Variants in ECHDC1 observed in about 807,000 individuals in gnomAD.
The protein encoded by ECHDC1 is ethylmalonyl-CoA decarboxylase.
In ECHDC1, 29 loss-of-function variants were observed where a neutral mutation model predicts 29.7. The observed-to-expected ratio is 0.98, with a 90% CI of 0.73 to 1.33. The LOEUF (loss-of-function observed/expected upper bound fraction) is 1.33, where lower values mean the gene tolerates loss of function less well. Ranked by LOEUF, ECHDC1 falls within the 40% of genes most tolerant of loss-of-function variation. ECHDC1 has a pLI of 0.00. For missense variants in ECHDC1, 328 were observed against 350.0 expected (o/e 0.94, Z 0.50); for synonymous variants, 126 against 123.1 (o/e 1.02, Z -0.15).
chr6:127,325,917 A>G (rs1381803020), intron 3 of ECHDC1, among the ~76,000 whole-genome samples: 1 of 152,034 alleles, frequency 6.6e-6, no homozygotes, highest in Non-Finnish European at 1.5e-5. Flanking sequence ...TGTCCAGGCT[A>G]GTGTTGAACT....
chr6:127,331,509 C>T (rs1246374084), intron 1 of ECHDC1, among the ~76,000 whole-genome samples: 1 of 152,016 alleles, frequency 6.6e-6, no homozygotes, highest in Non-Finnish European at 1.5e-5. Context: ...TTCATTTTTC[C>T]CTCCTTCTCA....
chr6:127,331,126 T>C, intron 1 of ECHDC1, 96 bp from the exon 2 acceptor site: 1 of 898,242 alleles, frequency 1.1e-6, no homozygotes, highest in South Asian at 1.7e-5. Flanking sequence ...GACCCTTCTG[T>C]TGAGTTGGGA....
intron 5 of ECHDC1, among the ~76,000 whole-genome samples, chr6:127,302,665 G>A (rs1263500243): frequency 6.6e-6 from 1 of 152,102 alleles, no homozygotes; most frequent in Non-Finnish European, 1.5e-5. Flanking sequence ...CTCCCAAAGT[G>A]CTGGAATTAC....
In ECHDC1 at chr6:127,343,569, C is replaced by T. The variant is rs1286708615; in HGVS notation, c.-236G>A. 1 of 152,220 alleles carries T rather than the reference C, an allele frequency of 6.6e-6. No homozygotes were observed. Among genetic ancestry groups the T allele is most frequent in the Non-Finnish European group, 1.5e-5 (1 of 68,096 alleles). The allele number at this position is 152,220 out of a possible 1,614,324, so 9.4% of individuals were successfully genotyped here. A position where few individuals can be genotyped will look rare whatever the true frequency, so the allele number is the denominator to read the frequency against. On this transcript the variant is annotated 5_prime_UTR_variant, in exon 1 of 6. Transcript: ENST00000454859. ...TCCCGTGACCCCGGAAATCCCGCTC[C>T]TGCCGCGAGGCGCCCTCCGCTTCGC...
At chr6:127,309,846 G>C (rs1179880463) in intron 5 of ECHDC1, among the ~76,000 whole-genome samples, 3 of 152,206 alleles carry the variant, frequency 2.0e-5, no homozygotes, top group Admixed American at 2.0e-4. Context: ...AGGAGAGAAA[G>C]AGCGAAAGGA....
chr6:127,314,817 T>C lies in ECHDC1; in HGVS notation c.496A>G (p.Arg166Gly). ...GAEFTTACDF[R>G]LMTPESKIRF... is the part of the protein sequence containing the mutation. The stretch of plus-strand genomic sequence containing the variant: ...AAATTAATGAAATTTTCATCCTACC[T>C]GAAATCACATGCTGTAGTAAATTCT... The change falls in exon 5 of 6, where the codon AGG becomes GGG. Residue 166 changes from arginine to glycine, a missense_variant and splice_region_variant. Coordinates refer to ENST00000454859, the MANE Select transcript of ECHDC1 (RefSeq NM_001002030.2). 6.2e-7 allele frequency: 1 copy of C among 1,601,708 alleles called. No homozygotes were observed. Among genetic ancestry groups the C allele is most frequent in the Non-Finnish European group, 8.5e-7 (1 of 1,175,414 alleles).
intron 5 of ECHDC1, among the ~76,000 whole-genome samples, chr6:127,306,585 C>T (rs1163643988): frequency 2.6e-5 from 4 of 152,284 alleles, no homozygotes; most frequent in East Asian, 3.9e-4. Context: ...CCATGTAGGA[C>T]GTGCCTGCTT....
intron 4 of ECHDC1, 63 bp from the exon 5 acceptor site, chr6:127,314,959 A>G (rs747498203): frequency 8.7e-6 from 13 of 1,491,510 alleles, no homozygotes; most frequent in African/African-American, 1.4e-5. Context: ...TACAAATGTT[A>G]TTTTTTAAAA....
At chr6:127,312,058 TAA>T (rs35311556) in intron 5 of ECHDC1, among the ~76,000 whole-genome samples, 3 of 151,094 alleles carry the variant, frequency 2.0e-5, no homozygotes, top group Admixed American at 6.6e-5. Flanking sequence ...ATACTACTGA[TAA>T]AAAAAAAACT....
chr6:127,291,130 C>A (rs1780135976), intron 5 of ECHDC1, among the ~76,000 whole-genome samples: 1 of 151,806 alleles, frequency 6.6e-6, no homozygotes, highest in African/African-American at 2.4e-5. Context: ...ACTTAACAGG[C>A]CTTAGTAAGG....
chr6:127,321,744 T>C (rs928466343), intron 3 of ECHDC1, among the ~76,000 whole-genome samples: 1 of 152,230 alleles, frequency 6.6e-6, no homozygotes, highest in Non-Finnish European at 1.5e-5. Context: ...GGCTCACGCC[T>C]GTAATCCTAG....
intron 3 of ECHDC1, among the ~76,000 whole-genome samples, chr6:127,319,627 TAAGAGATATCTG>T (rs1782675484): frequency 6.6e-6 from 1 of 152,180 alleles, no homozygotes; most frequent in South Asian, 2.1e-4. Flanking sequence ...AATAAGCCAG[TAAGAGATATCTG>T]TGATAGAGTA....
rs372369450 is a variant in ECHDC1 at position 127,289,831 on chromosome 6, T to G, written c.*38A>C. The G allele has an allele frequency of 2.6e-6, 4 of 1,551,844 alleles. No individual in the cohort carries two copies. The African/African-American group carries it at 5.5e-5, about 21-fold the overall frequency. ...TTTAACATTTATACATATTAGTCACTGGAGCTTTACTTGGAGTACATCCAC... is the reference window on the plus strand; with the variant it reads ...TTTAACATTTATACATATTAGTCACGGGAGCTTTACTTGGAGTACATCCAC... On this transcript the variant is annotated 3_prime_UTR_variant, in exon 6 of 6. Coordinates refer to ENST00000454859, the MANE Select transcript of ECHDC1 (RefSeq NM_001002030.2).
At chr6:127,322,501 C>T (rs1173493591) in intron 3 of ECHDC1, among the ~76,000 whole-genome samples, 1 of 152,056 alleles carries the variant, frequency 6.6e-6, no homozygotes, top group Non-Finnish European at 1.5e-5. Flanking sequence ...CTGAAAAGAG[C>T]AGATTACTTG....
rs1781707036 is a variant in ECHDC1 at position 127,309,478 on chromosome 6, AAAACACACACAC to A, written c.497+5326_497+5337del. ...AGAAAAAACCCAGAAAACAAACAAC[AAAACACACACAC>A]ACACACACACACACACACACACACA... On this transcript the variant is annotated intron_variant, in intron 5 of 5. Transcript: ENST00000454859. Among the ~76,000 whole-genome samples the A allele has an allele frequency of 1.8e-5, 2 of 109,002 alleles. 1 individual carries two copies. The highest frequency in any genetic ancestry group is 4.0e-5 in the Non-Finnish European group (2 of 50,296). 71.5% of individuals were successfully genotyped at this position (109,002 alleles called of 152,430 possible).
intron 4 of ECHDC1, chr6:127,316,098 G>A (rs932569367): frequency 4.9e-5 from 23 of 472,500 alleles, no homozygotes; most frequent in Non-Finnish European, 8.8e-5. Flanking sequence ...TGGAATATTA[G>A]GTAAACTTTA....
In ECHDC1 at chr6:127,289,072, G is replaced by A. The variant is rs1324384243; in HGVS notation, c.*797C>T. ...TACTTTTGAAAGATAGTTGTTAGAA[G>A]GTTAGTTGTTTTTCAGGAAAAAAAA... On this transcript the variant is annotated 3_prime_UTR_variant, in exon 6 of 6. Transcript: ENST00000454859. The A allele has an allele frequency of 6.6e-6, 1 of 152,002 alleles. No individual in the cohort carries two copies. Among genetic ancestry groups the A allele is most frequent in the East Asian group, 1.9e-4 (1 of 5,186 alleles). 9.4% of individuals were successfully genotyped at this position (152,002 alleles called of 1,614,324 possible). A position where few individuals can be genotyped will look rare whatever the true frequency, so the allele number is the denominator to read the frequency against.
intron 5 of ECHDC1, among the ~76,000 whole-genome samples, chr6:127,292,361 G>A (rs1780264806): frequency 2.6e-5 from 4 of 151,818 alleles, no homozygotes. Context: ...TTTTCCATTT[G>A]CCTTATTTTA....
At chr6:127,326,206 T>C (rs1331893137) in intron 3 of ECHDC1, among the ~76,000 whole-genome samples, 1 of 152,180 alleles carries the variant, frequency 6.6e-6, no homozygotes, top group Non-Finnish European at 1.5e-5. Flanking sequence ...TCCCCCTTGC[T>C]GTTCTTGTGA....
Sources: allele counts gnomAD v4.1 joint callset (sites outside exome capture counted in the v4.1 genomes callset), GRCh38; gene constraint gnomAD v4.1.1; transcripts MANE v1.5; gene names NCBI Gene and HGNC (gene_info 2026-07-23, HGNC 2026-07-21).